The following SNTG1 variants were observed in gnomAD, a reference collection of about 807,000 sequenced individuals.
The protein encoded by SNTG1 is gamma-1-syntrophin.
Under a neutral mutation model 74.7 loss-of-function variants are expected in SNTG1, and 39 were observed. The ratio of observed to expected loss-of-function variants is 0.52; its 90% CI spans 0.40 to 0.68. SNTG1 has a LOEUF of 0.68. SNTG1 is among the 30% of genes least tolerant of loss of function. The pLI is 0.00. For synonymous variants in SNTG1, 254 were observed against 217.1 expected (o/e 1.17, Z -1.49); for missense variants, 685 against 609.5 (o/e 1.12, Z -1.30).
chr8:50,133,997 G>A (rs1410761506), intron 1 of SNTG1, among the ~76,000 whole-genome samples: 1 of 152,192 alleles, frequency 6.6e-6, no homozygotes, highest in Non-Finnish European at 1.5e-5. Context: ...CAGCCCTTAG[G>A]AGGCTGTGCT....
chr8:50,406,895 T>C (rs945405949), intron 4 of SNTG1, among the ~76,000 whole-genome samples: 2 of 152,160 alleles, frequency 1.3e-5, no homozygotes, highest in African/African-American at 4.8e-5. Flanking sequence ...AGGAATTCTA[T>C]CTTCTAGGTC....
At position 49,938,884 on chromosome 8, in the gene SNTG1, T is replaced by C. The variant is rs1005412338; in HGVS notation, c.-103+26653T>C. 2.6e-5 allele frequency among the ~76,000 whole-genome samples: 4 copies of C among 151,920 alleles called. No homozygotes were observed. In the South Asian group the frequency reaches 8.3e-4, roughly 32 times the overall value. On this transcript the variant is annotated intron_variant, in intron 1 of 18. Coordinates refer to ENST00000642720, the MANE Select transcript of SNTG1 (RefSeq NM_018967.5). Reference sequence around the variant, plus strand: ...ATTATGTTTGTTGGAAATCTCACCATGTTGTTTCTGAAGCTTTAGTTCAGT... The same window carrying C: ...ATTATGTTTGTTGGAAATCTCACCACGTTGTTTCTGAAGCTTTAGTTCAGT...
chr8:49,954,504 G>A (rs1353208077), intron 1 of SNTG1, among the ~76,000 whole-genome samples: 2 of 152,032 alleles, frequency 1.3e-5, no homozygotes, highest in African/African-American at 2.4e-5. Context: ...CAAGAAATAC[G>A]TACTCAAAAG....
chr8:49,980,513 C>A (rs1812575414), intron 1 of SNTG1, among the ~76,000 whole-genome samples: 1 of 92,636 alleles, frequency 1.1e-5, no homozygotes, highest in African/African-American at 4.7e-5. Context: ...TTCCTGTAGA[C>A]TCCTTCGCAA....
chr8:50,504,510 G>A (rs951665200), intron 9 of SNTG1, among the ~76,000 whole-genome samples: 8 of 152,282 alleles, frequency 5.3e-5, no homozygotes, highest in African/African-American at 1.7e-4. Flanking sequence ...GCCGAATTTA[G>A]GTGGGGTGCA....
intron 2 of SNTG1, among the ~76,000 whole-genome samples, chr8:50,229,976 A>C (rs1000209466): frequency 6.6e-6 from 1 of 151,608 alleles, no homozygotes; most frequent in Non-Finnish European, 1.5e-5. Flanking sequence ...CACACTTCTA[A>C]ATAACACATA....
At chr8:50,641,780 C>G (rs2095075037) in intron 13 of SNTG1, among the ~76,000 whole-genome samples, 1 of 152,144 alleles carries the variant, frequency 6.6e-6, no homozygotes, top group Non-Finnish European at 1.5e-5. Context: ...GTAAAAATTG[C>G]TTGAGTTTTT....
At chr8:50,518,009 C>G (rs145596007) in intron 9 of SNTG1, among the ~76,000 whole-genome samples, 4 of 152,008 alleles carry the variant, frequency 2.6e-5, no homozygotes, top group African/African-American at 4.8e-5. Context: ...ATACATTCTT[C>G]TTAGCACCAC....
chr8:50,369,017 G>A (rs1261947875), intron 2 of SNTG1, among the ~76,000 whole-genome samples: 1 of 152,118 alleles, frequency 6.6e-6, no homozygotes, highest in East Asian at 1.9e-4. Flanking sequence ...GATGATTTTA[G>A]TATGAGACTT....
In SNTG1 at chr8:50,168,269, A is replaced by G. The variant is rs574503740; in HGVS notation, c.-102-4292A>G. 6.0e-4 allele frequency among the ~76,000 whole-genome samples: 91 copies of G among 152,300 alleles called. 2 individuals carry two copies. The highest frequency in any genetic ancestry group is 1.3e-4 in the Admixed American group (2 of 15,288). ...TGCTACATACTTCATACAAACACAA[A>G]CCAGTTTACATTGTTAACATAAAGA... On this transcript the variant is annotated intron_variant, in intron 1 of 18. Transcript: ENST00000642720.
intron 2 of SNTG1, among the ~76,000 whole-genome samples, chr8:50,220,908 C>T (rs72640736): frequency 0.019 from 2,937 of 152,268 alleles, 34 homozygotes; most frequent in Non-Finnish European, 0.03. Flanking sequence ...AACTAACTCC[C>T]TTATTAACAA....
chr8:50,632,406 G>A, intron 13 of SNTG1, among the ~76,000 whole-genome samples: 1 of 151,964 alleles, frequency 6.6e-6, no homozygotes, highest in East Asian at 1.9e-4. Context: ...TGCCTCCTGG[G>A]TTTAAATGAA....
chr8:49,955,000 A>T (rs563535805), intron 1 of SNTG1, among the ~76,000 whole-genome samples: 1 of 152,316 alleles, frequency 6.6e-6, no homozygotes, highest in South Asian at 2.1e-4. Context: ...ATCAAATCTG[A>T]AGTGTTTCCA....
chr8:50,083,968 G>A (rs896533535), intron 1 of SNTG1, among the ~76,000 whole-genome samples: 1 of 152,076 alleles, frequency 6.6e-6, no homozygotes, highest in African/African-American at 2.4e-5. Flanking sequence ...ATTTGTTGAT[G>A]TAACTTTAAT....
rs533332872 is a variant in SNTG1 at position 49,954,313 on chromosome 8, T to C, written c.-103+42082T>C. ...GAGAGATGTCAAGTAGCTAAATGGT[T>C]CAAGCACTTGATTAGTAACTATGTA... On this transcript the variant is annotated intron_variant, in intron 1 of 18. Coordinates refer to ENST00000642720, the MANE Select transcript of SNTG1 (RefSeq NM_018967.5). Among the ~76,000 whole-genome samples, 19 of 152,290 alleles carry C rather than the reference T, an allele frequency of 1.2e-4. No individual in the cohort carries two copies. In the South Asian group the frequency reaches 3.7e-3, roughly 30 times the overall value.
chr8:50,313,439 T>A (rs28395381), intron 2 of SNTG1, among the ~76,000 whole-genome samples: 19,996 of 149,364 alleles, frequency 0.13, 2,000 homozygotes, highest in Middle Eastern at 0.16. Context: ...ATATTCAAAA[T>A]ATGGCAGGAA....
At chr8:50,444,337 A>G (rs1191751876) in intron 5 of SNTG1, among the ~76,000 whole-genome samples, 2 of 152,176 alleles carry the variant, frequency 1.3e-5, no homozygotes, top group Non-Finnish European at 2.9e-5. Context: ...AACCATTGCT[A>G]TAAGTGCATG....
intron 18 of SNTG1, among the ~76,000 whole-genome samples, chr8:50,761,605 T>A (rs550605658): frequency 4.3e-3 from 643 of 150,318 alleles, no homozygotes; most frequent in Non-Finnish European, 6.9e-3. Flanking sequence ...CCTGAGCTAT[T>A]TTTTTTTTTC....
chr8:49,979,640 G>A (rs1392692875), intron 1 of SNTG1, among the ~76,000 whole-genome samples: 2 of 152,122 alleles, frequency 1.3e-5, no homozygotes, highest in East Asian at 3.9e-4. Flanking sequence ...TCGCGCTCTA[G>A]GGCCATTGCA....
Sources: gnomAD v4.1 joint callset for allele counts (sites outside exome capture counted in the v4.1 genomes callset) on GRCh38, gnomAD v4.1.1 for gene constraint, MANE v1.5 for transcripts, NCBI Gene and HGNC (gene_info 2026-07-23, HGNC 2026-07-21) for gene names.